Variants in HK1 observed in about 807,000 individuals in gnomAD.
HK1 encodes the protein hexokinase 1.
A neutral mutation model predicts 91.6 loss-of-function variants in HK1; 28 were observed. That is an observed-to-expected ratio of 0.31 (90% confidence interval 0.23 to 0.42). HK1 has a LOEUF of 0.42. Ranked by LOEUF, HK1 falls within the 10% of genes least tolerant of loss-of-function variation. HK1 has a pLI of 1.00. For missense variants in HK1, 770 were observed against 1,219.8 expected (o/e 0.63, Z 5.49); for synonymous variants, 430 against 468.1 (o/e 0.92, Z 1.05).
At chr10:69,360,483 C>G (rs34977762) in intron 3 of HK1, among the ~76,000 whole-genome samples, 2 of 152,336 alleles carry the variant, frequency 1.3e-5, no homozygotes, top group East Asian at 3.9e-4. Flanking sequence ...GTGGCCTTGT[C>G]GGGCAGGAAT....
intron 2 of HK1, among the ~76,000 whole-genome samples, chr10:69,359,478 C>T (rs1259319078): frequency 6.6e-6 from 1 of 152,058 alleles, no homozygotes; most frequent in African/African-American, 2.4e-5. Flanking sequence ...ATGCAGAGAC[C>T]CAGGGCAGGC....
intron 2 of HK1, 91 bp downstream of exon 2, chr10:69,344,080 C>T: frequency 7.7e-7 from 1 of 1,303,808 alleles, no homozygotes; most frequent in South Asian, 1.2e-5. Context: ...TTTGCTCATT[C>T]ATTCATTCAC....
rs752886935 is a variant in HK1, at chr10:69,318,906, G to A, written c.-42G>A. 1.3e-6 allele frequency: 2 copies of A among 1,553,370 alleles called. No homozygotes were observed. Among genetic ancestry groups the A allele is most frequent in the South Asian group, 1.2e-5 (1 of 84,752 alleles). ...CGGCTCGCCAGGGCTGCGGAGGACC[G>A]ACCGTCCCCACGCCTGCCGCCCCGC... On this transcript the variant is annotated 5_prime_UTR_variant, in exon 1 of 18. Transcript: ENST00000359426.
intron 3 of HK1, among the ~76,000 whole-genome samples, chr10:69,360,940 G>A (rs1849387026): frequency 6.6e-6 from 1 of 152,218 alleles, no homozygotes; most frequent in Non-Finnish European, 1.5e-5. Flanking sequence ...CTGGCCAAAT[G>A]TTTGCTTTAA....
chr10:69,272,210 A>G (rs1266129854), intron 1 of HK1, among the ~76,000 whole-genome samples: 1 of 152,250 alleles, frequency 6.6e-6, no homozygotes, highest in African/African-American at 2.4e-5. Context: ...AGATGCTGCT[A>G]GCACTAGTGG....
chr10:69,320,078 G>T (rs149214373), intron 1 of HK1, among the ~76,000 whole-genome samples: 90 of 152,246 alleles, frequency 5.9e-4, no homozygotes, highest in African/African-American at 1.2e-3. Context: ...CAAGCCATAG[G>T]GTGTTCCATC....
chr10:69,308,096 C>T (rs1041403616), intron 5 of HK1, among the ~76,000 whole-genome samples: 3 of 152,154 alleles, frequency 2.0e-5, no homozygotes, highest in African/African-American at 7.2e-5. Context: ...ACCTCAGCCT[C>T]CCAAAGTGCT....
At chr10:69,295,266 C>CT in intron 3 of HK1, among the ~76,000 whole-genome samples, 1 of 152,184 alleles carries the variant, frequency 6.6e-6, no homozygotes, top group Non-Finnish European at 1.5e-5. Context: ...TCTGCCGCAG[C>CT]TCCGGTGCTG....
chr10:69,291,891 T>C (rs943834341), intron 3 of HK1, among the ~76,000 whole-genome samples: 1 of 152,148 alleles, frequency 6.6e-6, no homozygotes, highest in Non-Finnish European at 1.5e-5. Context: ...CTTGGAAGTA[T>C]CTGCAAGCCT....
At position 69,382,259 on chromosome 10, in the gene HK1, C is replaced by T. The variant is rs78057951; in HGVS notation, c.1266-228C>T. Among the ~76,000 whole-genome samples, 119 of 152,242 alleles carry T rather than the reference C, an allele frequency of 7.8e-4. 3 individuals are homozygous for T. The East Asian group carries it at 0.016, about 21-fold the overall frequency. On this transcript the variant is annotated intron_variant, in intron 9 of 17. Transcript: ENST00000359426. ...CAAAAAAGTTAGCCGGGCGTGGCCC[C>T]AGCTACTCGGGAGGCTAAGGTGGGA... is the stretch of plus-strand genomic sequence containing the variant.
chr10:69,375,122 G>A (rs1839023460), intron 7 of HK1, among the ~76,000 whole-genome samples: 1 of 152,196 alleles, frequency 6.6e-6, no homozygotes, highest in Non-Finnish European at 1.5e-5. Flanking sequence ...TTCCTCATCC[G>A]TGAAATGGGG....
intron 1 of HK1, among the ~76,000 whole-genome samples, chr10:69,330,816 G>A (rs891802757): frequency 4.0e-5 from 6 of 151,446 alleles, no homozygotes; most frequent in Non-Finnish European, 5.9e-5. Flanking sequence ...ACTTCTTCAC[G>A]ATCATCCACT....
intron 12 of HK1, among the ~76,000 whole-genome samples, chr10:69,385,936 A>G (rs1564563202): frequency 1.3e-5 from 2 of 152,212 alleles, no homozygotes; most frequent in Non-Finnish European, 2.9e-5. Flanking sequence ...CAGTATTACT[A>G]AACTCTTAGG....
rs1326841315 is a variant in HK1, at chr10:69,276,119, ATACATAT to A, written c.-391+6012_-391+6018del. Reference sequence around the variant, plus strand: ...AAAAAAAAAAAAAAAAAAAAAAAAAATACATATATATATATATATACACATATATATA... The same window carrying A: ...AAAAAAAAAAAAAAAAAAAAAAAAAAATATATATATATACACATATATATA... On this transcript the variant is annotated intron_variant, in intron 1 of 21. Coordinates refer to the HK1 transcript ENST00000360289. Among the ~76,000 whole-genome samples the A allele has an allele frequency of 1.3e-4, 2 of 15,884 alleles. 1 individual carries two copies. The highest frequency in any genetic ancestry group is 4.0e-3 in the East Asian group (2 of 496). The allele number at this position is 15,884 out of a possible 152,430, so 10.4% of individuals were successfully genotyped here. A position where few individuals can be genotyped will look rare whatever the true frequency, so the allele number is the denominator to read the frequency against.
intron 2 of HK1, among the ~76,000 whole-genome samples, chr10:69,285,109 G>T (rs1278633970): frequency 6.6e-6 from 1 of 151,612 alleles, no homozygotes; most frequent in East Asian, 2.0e-4. Flanking sequence ...ATGTGCCACC[G>T]CACCCAGCCG....
At chr10:69,302,043 C>T (rs138159124) in intron 5 of HK1, among the ~76,000 whole-genome samples, 1 of 152,038 alleles carries the variant, frequency 6.6e-6, no homozygotes, top group African/African-American at 2.4e-5. Flanking sequence ...GTCAGGAGTT[C>T]GTGACCAGCC....
chr10:69,389,893 C>T (rs534985775), intron 14 of HK1, among the ~76,000 whole-genome samples: 1 of 152,186 alleles, frequency 6.6e-6, no homozygotes, highest in Non-Finnish European at 1.5e-5. Context: ...GTCTGGGCCT[C>T]GAGCACATAA....
rs774763877 is a variant in HK1, at chr10:69,369,306, G to T, written c.661G>T (p.Asp221Tyr). The T allele has an allele frequency of 6.2e-7, 1 of 1,614,164 alleles. No homozygotes were observed. The highest frequency in any genetic ancestry group is 8.5e-7 in the Non-Finnish European group (1 of 1,179,994). ...CACCATGATGACCTGTGGCTATGACGACCAGCACTGTGAAGTCGGCCTGAT... is the reference window on the plus strand; with the variant it reads ...CACCATGATGACCTGTGGCTATGACTACCAGCACTGTGAAGTCGGCCTGAT... ...VGTMMTCGYD[D>Y]QHCEVGLIIG... The change falls in exon 6 of 18, where the codon GAC (aspartate) becomes TAC (tyrosine). Residue 221 changes from aspartate to tyrosine, a missense_variant. By Grantham distance (160) the Asp-to-Tyr change is radical (BLOSUM62 -3). Coordinates refer to ENST00000359426, the MANE Select transcript of HK1 (RefSeq NM_000188.3). This position sits in a 1 kb window ranked among gnomAD's most constrained non-coding sequence, Gnocchi z 4.4.
intron 1 of HK1, among the ~76,000 whole-genome samples, chr10:69,272,370 G>A (rs941050384): frequency 6.6e-6 from 1 of 152,200 alleles, no homozygotes; most frequent in African/African-American, 2.4e-5. Context: ...TCTCTGATCA[G>A]AATGTTCTAA....
Sources: allele counts gnomAD v4.1 joint callset (sites outside exome capture counted in the v4.1 genomes callset), GRCh38; gene constraint gnomAD v4.1.1; non-coding constraint Gnocchi (gnomAD v3.1); transcripts MANE v1.5; gene names NCBI Gene and HGNC (gene_info 2026-07-23, HGNC 2026-07-21).